PHEX: variants seen among roughly 807,000 people sequenced by gnomAD.
PHEX encodes the protein phosphate regulating endopeptidase X-linked, also known as phosphate-regulating neutral endopeptidase PHEX.
A neutral mutation model predicts 68.0 loss-of-function variants in PHEX; 16 were observed. That is an observed-to-expected ratio of 0.24 (90% CI 0.16 to 0.36). The LOEUF (loss-of-function observed/expected upper bound fraction) is 0.36. Ranked by LOEUF, PHEX falls within the 10% of genes least tolerant of loss-of-function variation. PHEX has a pLI of 1.00. For synonymous variants in PHEX, 208 were observed against 205.1 expected, an observed-to-expected ratio of 1.01 and a Z score of -0.12; for missense variants, 480 against 575.5, an observed-to-expected ratio of 0.83 and a Z score of 1.70.
At chrX:22,138,018 T>G (rs1932302641) in intron 12 of PHEX, among the ~76,000 whole-genome samples, 1 of 112,439 alleles carries the variant, frequency 8.9e-6, no homozygotes, top group Non-Finnish European at 1.9e-5. Context: ...TGGGAGCTTT[T>G]CCAATGGGCT....
intron 16 of PHEX, among the ~76,000 whole-genome samples, chrX:22,216,511 ATTT>A (rs1293422925): frequency 9.5e-6 from 1 of 105,565 alleles, no homozygotes; most frequent in Non-Finnish European, 1.9e-5. Flanking sequence ...TTATTTATTT[ATTT>A]ATTTATTTAT....
At chrX:22,174,791 T>G (rs757790797) in intron 13 of PHEX, among the ~76,000 whole-genome samples, 1 of 112,530 alleles carries the variant, frequency 8.9e-6, no homozygotes, top group East Asian at 2.8e-4. Context: ...GTTTTGCTAC[T>G]GTCTTTATAG....
intron 12 of PHEX, among the ~76,000 whole-genome samples, chrX:22,153,498 C>G (rs764615748): frequency 8.9e-6 from 1 of 112,031 alleles, no homozygotes; most frequent in Non-Finnish European, 1.9e-5. Flanking sequence ...GTGCAGTTGG[C>G]AGGACAGAGA....
intron 5 of PHEX, among the ~76,000 whole-genome samples, chrX:22,078,001 C>T (rs1602275253): frequency 8.9e-6 from 1 of 111,910 alleles, no homozygotes; most frequent in Admixed American, 9.5e-5. Flanking sequence ...AAGGGGACTG[C>T]AGGTCTCCTG....
intron 20 of PHEX, among the ~76,000 whole-genome samples, chrX:22,242,374 A>G (rs1028177731): frequency 8.9e-6 from 1 of 111,920 alleles, no homozygotes; most frequent in African/African-American, 3.3e-5. Flanking sequence ...GCACAAGACA[A>G]GGATGCCCTC....
At chrX:22,102,340 C>T (rs1436945533) in intron 9 of PHEX, among the ~76,000 whole-genome samples, 3 of 111,830 alleles carry the variant, frequency 2.7e-5, no homozygotes, top group Non-Finnish European at 5.6e-5. Flanking sequence ...CTTTCTGTGC[C>T]AGGTTATTTC....
chrX:22,150,355 C>CTA (rs959653831), intron 12 of PHEX, among the ~76,000 whole-genome samples: 2 of 111,336 alleles, frequency 1.8e-5, no homozygotes, highest in African/African-American at 6.5e-5. Flanking sequence ...GGACAATGGC[C>CTA]TATGGACCAT....
intron 3 of PHEX, among the ~76,000 whole-genome samples, chrX:22,059,050 C>T (rs183667494): frequency 8.9e-6 from 1 of 111,808 alleles, no homozygotes; most frequent in Non-Finnish European, 1.9e-5. Context: ...GGTTTTCCAC[C>T]TGCCTCGGCT....
At chrX:22,089,213 G>A (rs891387552) in intron 5 of PHEX, among the ~76,000 whole-genome samples, 1 of 111,106 alleles carries the variant, frequency 9.0e-6, no homozygotes, top group African/African-American at 3.3e-5. Flanking sequence ...GTAGAGACTG[G>A]GTTTTACCGT....
intron 12 of PHEX, among the ~76,000 whole-genome samples, chrX:22,161,970 G>A (rs1473404182): frequency 9.0e-6 from 1 of 111,521 alleles, no homozygotes; most frequent in Non-Finnish European, 1.9e-5. Context: ...AGGGTACGAT[G>A]GTATTGCAAG....
At chrX:22,142,269 A>G (rs1440338170) in intron 12 of PHEX, among the ~76,000 whole-genome samples, 1 of 112,103 alleles carries the variant, frequency 8.9e-6, no homozygotes, top group East Asian at 2.8e-4. Context: ...CACAAAAAGA[A>G]TATTCACTAC....
At chrX:22,235,328 T>C (rs1267262820) in intron 20 of PHEX, among the ~76,000 whole-genome samples, 3 of 112,316 alleles carry the variant, frequency 2.7e-5, no homozygotes, top group African/African-American at 6.5e-5. Context: ...TTCATACTTT[T>C]AAGTGCTTTT....
chrX:22,069,840 TGA>T (rs1200100204), intron 3 of PHEX, among the ~76,000 whole-genome samples: 3 of 111,762 alleles, frequency 2.7e-5, no homozygotes, highest in Non-Finnish European at 5.6e-5. Context: ...TGAAAATATA[TGA>T]GAGTTACGGG....
chrX:22,134,949 T>C (rs1932168741), intron 12 of PHEX, among the ~76,000 whole-genome samples: 1 of 112,038 alleles, frequency 8.9e-6, no homozygotes, highest in African/African-American at 3.2e-5. Flanking sequence ...TATTTTTGCC[T>C]CAGCGTTCTG....
intron 16 of PHEX, among the ~76,000 whole-genome samples, chrX:22,215,100 A>G (rs1156934278): frequency 8.9e-6 from 1 of 111,898 alleles, no homozygotes; most frequent in Non-Finnish European, 1.9e-5. Flanking sequence ...GGAGACTAGG[A>G]AATAGTCTGG....
intron 11 of PHEX, among the ~76,000 whole-genome samples, chrX:22,115,192 G>A (rs913286500): frequency 9.7e-4 from 108 of 111,204 alleles, no homozygotes; most frequent in African/African-American, 3.4e-3. Flanking sequence ...TTATCTGGGC[G>A]TGGTGGCAGG....
chrX:22,036,122 C>T (rs766288961), intron 1 of PHEX, among the ~76,000 whole-genome samples: 14 of 90,696 alleles, frequency 1.5e-4, no homozygotes, highest in Admixed American at 4.2e-4. Context: ...TGCAGTGGTG[C>T]GATCTTGGCT....
At chrX:22,135,419 G>T (rs760470815) in intron 12 of PHEX, among the ~76,000 whole-genome samples, 1 of 112,253 alleles carries the variant, frequency 8.9e-6, no homozygotes, top group African/African-American at 3.2e-5. Flanking sequence ...CTTTATCCTC[G>T]CCTGACCCCA....
At chrX:22,182,592 T>TTGTGTGTGTGTGTG (rs9331474) in intron 14 of PHEX, among the ~76,000 whole-genome samples, 16 of 102,984 alleles carry the variant, frequency 1.6e-4, no homozygotes, top group African/African-American at 5.7e-4. Context: ...TGAAGATGCT[T>TTGTGTGTGTGTGTG]TGTGTGTGTG....
Sources: gnomAD v4.1 joint callset for allele counts (sites outside exome capture counted in the v4.1 genomes callset) on GRCh38, gnomAD v4.1.1 for gene constraint, MANE v1.5 for transcripts, NCBI Gene and HGNC (gene_info 2026-07-23, HGNC 2026-07-21) for gene names.